BICD1: variants seen among roughly 807,000 people sequenced by gnomAD.
BICD1 encodes BICD cargo adaptor 1.
A neutral mutation model predicts 92.5 loss-of-function variants in BICD1; 35 were observed. That is an observed-to-expected ratio of 0.38 (90% CI 0.29 to 0.50). The LOEUF (loss-of-function observed/expected upper bound fraction) is 0.50. Among genes scored for constraint, BICD1 ranks in the 20% least tolerant of loss-of-function variants. The probability of loss-of-function intolerance (pLI) is 0.93; values close to 1 mark genes in which losing one functional copy is unlikely to be tolerated. For synonymous variants in BICD1, 429 were observed against 465.1 expected, an observed-to-expected ratio of 0.92 and a Z score of 1.00; for missense variants, 950 against 1,189.8, an observed-to-expected ratio of 0.80 and a Z score of 2.97.
intron 2 of BICD1, among the ~76,000 whole-genome samples, chr12:32,244,470 GCAGGCTGTCATTAATTGGAGTTAC>G: frequency 6.6e-6 from 1 of 152,242 alleles, no homozygotes; most frequent in Middle Eastern, 3.4e-3. Context: ...AGCACTTGAG[GCAGGCTGTCATTAATTGGAGTTAC>G]CTCCAATTGC....
At chr12:32,358,737 G>GA (rs138441424) in intron 8 of BICD1, among the ~76,000 whole-genome samples, 2 of 151,470 alleles carry the variant, frequency 1.3e-5, no homozygotes, top group Admixed American at 1.3e-4. Flanking sequence ...CTCCACCTCA[G>GA]AAAAAAAAGT....
At chr12:32,133,475 A>G (rs1024542091) in intron 1 of BICD1, among the ~76,000 whole-genome samples, 4 of 151,884 alleles carry the variant, frequency 2.6e-5, no homozygotes, top group Non-Finnish European at 2.9e-5. Context: ...GCGACAGAAC[A>G]AGACTCCATC....
At chr12:32,230,659 A>C (rs2121576429) in intron 2 of BICD1, among the ~76,000 whole-genome samples, 1 of 152,252 alleles carries the variant, frequency 6.6e-6, no homozygotes, top group South Asian at 2.1e-4. Context: ...ATTTTTAGAG[A>C]GGAGAGAAGG....
rs1592692964 is a variant in BICD1 at position 32,337,126 on chromosome 12, A to T, written c.2253-373A>T. Among the ~76,000 whole-genome samples, 1 of 152,142 alleles carries T rather than the reference A, an allele frequency of 6.6e-6. No homozygotes were observed. Among genetic ancestry groups the T allele is most frequent in the East Asian group, 1.9e-4 (1 of 5,184 alleles). ...GCTTGGCATGGTGGCACACTCCTGTAATTCCAGCAACTCGGCAGGCTGAGG... is the reference window on the plus strand; with the variant it reads ...GCTTGGCATGGTGGCACACTCCTGTTATTCCAGCAACTCGGCAGGCTGAGG... On this transcript the variant is annotated intron_variant, in intron 6 of 9. Transcript: ENST00000652176. This position sits in a 1 kb window ranked among gnomAD's most constrained non-coding sequence, Gnocchi z 4.7.
At chr12:32,223,479 TG>T (rs1945594760) in intron 2 of BICD1, among the ~76,000 whole-genome samples, 1 of 143,942 alleles carries the variant, frequency 6.9e-6, no homozygotes, top group African/African-American at 2.6e-5. Context: ...ATCGCGCCAC[TG>T]CACTGGAGCC....
chr12:32,113,245 T>A (rs1941763574), intron 1 of BICD1, among the ~76,000 whole-genome samples: 1 of 152,016 alleles, frequency 6.6e-6, no homozygotes, highest in African/African-American at 2.4e-5. Context: ...AGGCATTGGA[T>A]GTTACTATAT....
chr12:32,346,947 T>A (rs1361018467), intron 8 of BICD1, among the ~76,000 whole-genome samples: 1 of 123,394 alleles, frequency 8.1e-6, no homozygotes, highest in Non-Finnish European at 1.8e-5. Flanking sequence ...TTATTTCTTT[T>A]CTTTTCTTTT....
chr12:32,198,560 T>TTA, intron 1 of BICD1, among the ~76,000 whole-genome samples: 1 of 149,816 alleles, frequency 6.7e-6, no homozygotes, highest in Admixed American at 6.7e-5. Context: ...TTTTTTTATT[T>TTA]AATCTGGTGG....
chr12:32,177,787 T>TTTAATATATATTTAATATATAAA (rs1944158154), intron 1 of BICD1, among the ~76,000 whole-genome samples: 1 of 45,422 alleles, frequency 2.2e-5, no homozygotes, highest in Admixed American at 3.9e-4. Flanking sequence ...ATATAAATAT[T>TTTAATATATATTTAATATATAAA]TATAAAAATA....
chr12:32,206,626 GA>G (rs1945065086), intron 1 of BICD1, among the ~76,000 whole-genome samples: 1 of 152,106 alleles, frequency 6.6e-6, no homozygotes, highest in Admixed American at 6.5e-5. Context: ...AAGAAGGAAA[GA>G]AAACTCTTCC....
chr12:32,152,497 A>G (rs1943318032), intron 1 of BICD1, among the ~76,000 whole-genome samples: 1 of 152,094 alleles, frequency 6.6e-6, no homozygotes. Flanking sequence ...AAGTGTTGGG[A>G]TTACAGGCGT....
At chr12:32,224,770 C>T (rs576045667) in intron 2 of BICD1, among the ~76,000 whole-genome samples, 4 of 152,204 alleles carry the variant, frequency 2.6e-5, no homozygotes, top group South Asian at 2.1e-4. Flanking sequence ...GTTGCAATCT[C>T]GGCTCACTGC....
intron 2 of BICD1, among the ~76,000 whole-genome samples, chr12:32,270,918 T>G (rs1947121772): frequency 6.6e-6 from 1 of 152,178 alleles, no homozygotes. Flanking sequence ...GGACCCTGTG[T>G]GTGAAGTGTG....
At chr12:32,189,897 CCA>C (rs1453194792) in intron 1 of BICD1, among the ~76,000 whole-genome samples, 1 of 152,106 alleles carries the variant, frequency 6.6e-6, no homozygotes, top group East Asian at 1.9e-4. Context: ...TGGGGTTTCA[CCA>C]TGTTGGCCAG....
chr12:32,261,248 C>T (rs1317513148), intron 2 of BICD1, among the ~76,000 whole-genome samples: 1 of 152,204 alleles, frequency 6.6e-6, no homozygotes, highest in Non-Finnish European at 1.5e-5. Flanking sequence ...ACAAAAATTT[C>T]TCCTAGATGC....
intron 1 of BICD1, among the ~76,000 whole-genome samples, chr12:32,186,186 T>C (rs1439861464): frequency 2.0e-5 from 3 of 152,208 alleles, no homozygotes; most frequent in African/African-American, 7.2e-5. Context: ...TGTTACCCTA[T>C]CCTGACCTTG....
chr12:32,236,473 C>A (rs1946076384), intron 2 of BICD1, among the ~76,000 whole-genome samples: 1 of 152,116 alleles, frequency 6.6e-6, no homozygotes, highest in Admixed American at 6.5e-5. Flanking sequence ...CACCCACCAG[C>A]TATTTCCCAT....
intron 8 of BICD1, chr12:32,339,621 G>A (rs1246216897): frequency 1.0e-6 from 1 of 984,910 alleles, no homozygotes; most frequent in African/African-American, 1.8e-5. Context: ...CTTGTTCTAT[G>A]AAGAGGCCTA....
chr12:32,338,897 T>C lies in BICD1; in HGVS notation c.2682T>C (p.Leu894=). The C allele has an allele frequency of 6.2e-7, 1 of 1,609,698 alleles. No individual in the cohort carries two copies. Among genetic ancestry groups the C allele is most frequent in the East Asian group, 2.3e-5 (1 of 44,390 alleles). ...ATCCCACCTCCACAGAATCATTTCT[T>C]CTGAAGGGCCCCCCTTCCATGAGTG... ...PPDPTSTESF[L]LKGPPSMSEF... is the part of the protein sequence containing the mutation. Residue 894 remains leucine, a synonymous_variant, in exon 8 of 10, where the codon CTT becomes CTC. Transcript: ENST00000652176.
Sources: allele counts gnomAD v4.1 joint callset (sites outside exome capture counted in the v4.1 genomes callset), GRCh38; gene constraint gnomAD v4.1.1; non-coding constraint Gnocchi (gnomAD v3.1); transcripts MANE v1.5; gene names NCBI Gene and HGNC (gene_info 2026-07-23, HGNC 2026-07-21).